AKAP6: variants seen among roughly 807,000 people sequenced by gnomAD.
The protein encoded by AKAP6 is A-kinase anchoring protein 6.
A neutral mutation model predicts 188.5 loss-of-function variants in AKAP6; 58 were observed. That is an observed-to-expected ratio of 0.31 (90% CI 0.25 to 0.38). The LOEUF is 0.38. Ranked by LOEUF, AKAP6 falls within the 10% of genes least tolerant of loss-of-function variation. The probability of loss-of-function intolerance (pLI) is 1.00; values close to 1 mark genes in which losing one functional copy is unlikely to be tolerated. For synonymous variants in AKAP6, 989 were observed against 998.6 expected, an observed-to-expected ratio of 0.99 and a Z score of 0.18; for missense variants, 2,710 against 2,740.0, an observed-to-expected ratio of 0.99 and a Z score of 0.24.
At position 32,786,296 on chromosome 14, in the gene AKAP6, A is replaced by ATGTTTTTTTTTGTT; in HGVS notation, c.3588+12404_3588+12405insGTTTTTTTTTGTTT. ...AGCCCTCTGAAAGACCTAAACCTTT[A>ATGTTTTTTTTTGTT]TCTTTTTTTTTTTTTTTTTTTTTTT... is the stretch of plus-strand genomic sequence containing the variant. On this transcript the variant is annotated intron_variant, in intron 12 of 13. Coordinates refer to ENST00000280979, the MANE Select transcript of AKAP6 (RefSeq NM_004274.5). Among the ~76,000 whole-genome samples the ATGTTTTTTTTTGTT allele has an allele frequency of 1.2e-4, 11 of 93,718 alleles. 3 individuals carry two copies. The highest frequency in any genetic ancestry group is 1.6e-4 in the African/African-American group (4 of 24,392). The allele number at this position is 93,718 out of a possible 152,430, so 61.5% of individuals were successfully genotyped here. A position where few individuals can be genotyped will look rare whatever the true frequency, so the allele number is the denominator to read the frequency against.
chr14:32,822,639 T>C lies in AKAP6; in HGVS notation c.4826T>C (p.Leu1609Pro). 1 of 1,614,022 alleles carries C rather than the reference T, an allele frequency of 6.2e-7. No homozygotes were observed. Among genetic ancestry groups the C allele is most frequent in the Non-Finnish European group, 8.5e-7 (1 of 1,179,950 alleles). ...WLTSYKSNED[L>P]FSCHSSGDIS... ...ACTTCCTATAAAAGCAATGAAGATC[T>C]CTTTAGCTGTCACAGCTCTGGGGAT... The change falls in exon 13 of 14, where the codon CTC (leucine) becomes CCC (proline). Residue 1609 changes from leucine to proline, a missense_variant. By Grantham distance (98) the Leu-to-Pro change is moderately conservative. This residue lies in a region of AKAP6 where 2,473 missense variants were observed against 2,426.1 expected (regional missense o/e 1.02). Transcript: ENST00000280979.
rs1016150488 is a variant in AKAP6 at position 32,835,112 on chromosome 14, A to C, written c.*5307A>C. ...AAGTTACGTACTTGCAACAAAAGCCATATGGCCTGCAAAACCTAAAACATT... is the reference window on the plus strand; with the variant it reads ...AAGTTACGTACTTGCAACAAAAGCCCTATGGCCTGCAAAACCTAAAACATT... On this transcript the variant is annotated 3_prime_UTR_variant, in exon 14 of 14. Transcript: ENST00000280979. 1 of 152,236 alleles carries C rather than the reference A, an allele frequency of 6.6e-6. No individual in the cohort carries two copies. The highest frequency in any genetic ancestry group is 1.5e-5 in the Non-Finnish European group (1 of 68,034). The allele number at this position is 152,236 out of a possible 1,614,324, so 9.4% of individuals were successfully genotyped here.
chr14:32,822,671 G>T lies in AKAP6; in HGVS notation c.4858G>T (p.Val1620Leu), dbSNP rs756942987. The T allele has an allele frequency of 6.2e-6, 10 of 1,613,846 alleles. No homozygotes were observed. The highest frequency in any genetic ancestry group is 7.6e-6 in the Non-Finnish European group (9 of 1,179,932). The change falls in exon 13 of 14, where the codon GTG becomes TTG. Residue 1620 changes from valine (V) to leucine (L), a missense_variant. Val to Leu is a conservative substitution (Grantham distance 32). This residue lies in a region of AKAP6 where 2,473 missense variants were observed against 2,426.1 expected (regional missense o/e 1.02). Coordinates refer to ENST00000280979, the MANE Select transcript of AKAP6 (RefSeq NM_004274.5). ...FSCHSSGDIS[V>L]SSGSVGELSK... ...CTGTCACAGCTCTGGGGATATAAGCGTGAGCAGTGGCTCAGTTGGTGAACT... is the reference window on the plus strand; with the variant it reads ...CTGTCACAGCTCTGGGGATATAAGCTTGAGCAGTGGCTCAGTTGGTGAACT...
intron 1 of AKAP6, among the ~76,000 whole-genome samples, chr14:32,364,030 G>A (rs1476508915): frequency 1.3e-5 from 2 of 152,170 alleles, no homozygotes; most frequent in South Asian, 4.1e-4. Context: ...TGAAGTCAGG[G>A]GGCTGTGTGT....
intron 7 of AKAP6, among the ~76,000 whole-genome samples, chr14:32,666,833 T>C (rs1174520217): frequency 1.3e-5 from 2 of 152,124 alleles, no homozygotes; most frequent in Admixed American, 6.5e-5. Context: ...GTAAGAATAG[T>C]AATCTTTTGC....
chr14:32,725,766 T>G (rs564044800), intron 9 of AKAP6, among the ~76,000 whole-genome samples: 2 of 152,168 alleles, frequency 1.3e-5, no homozygotes, highest in Admixed American at 1.3e-4. Flanking sequence ...ACCATAAAAA[T>G]GCAGTTTATA....
intron 2 of AKAP6, among the ~76,000 whole-genome samples, chr14:32,482,639 CT>C (rs1444491770): frequency 1.3e-5 from 2 of 152,172 alleles, no homozygotes; most frequent in Non-Finnish European, 2.9e-5. Context: ...TGGAAAAGTG[CT>C]TGGCACAGAA....
intron 2 of AKAP6, among the ~76,000 whole-genome samples, chr14:32,515,790 T>G (rs1262419634): frequency 6.6e-6 from 1 of 152,220 alleles, no homozygotes; most frequent in Non-Finnish European, 1.5e-5. Flanking sequence ...GGTTTGTGAA[T>G]TCAATATCGG....
Position 32,678,309 on chromosome 14 carries a change from A to G in AKAP6, c.2731-2A>G. 6.2e-7 allele frequency: 1 copy of G among 1,605,046 alleles called. No homozygotes were observed. Among genetic ancestry groups the G allele is most frequent in the Non-Finnish European group, 8.5e-7 (1 of 1,173,200 alleles). The stretch of plus-strand genomic sequence containing the variant: ...GCAATTTCTCTTTGTTTCTCTTTCC[A>G]GGCTGAGGTTCAACTATGCTACCTG... On this transcript the variant is annotated splice_acceptor_variant, in intron 7 of 13. Transcript: ENST00000280979. LOFTEE classifies it high-confidence loss of function.
Position 32,719,212 on chromosome 14 carries a change from T to C in AKAP6, c.3001-13242T>C, listed in dbSNP as rs76003156. 1.1e-3 allele frequency among the ~76,000 whole-genome samples: 164 copies of C among 152,280 alleles called. 1 individual carries two copies. In the East Asian group the frequency reaches 0.013, roughly 12 times the overall value. Reference sequence around the variant, plus strand: ...CATAAAGGTATAATGGCACTTGCATTGTGTTTTGGGAACAGGCAACCCTGG... The same window carrying C: ...CATAAAGGTATAATGGCACTTGCATCGTGTTTTGGGAACAGGCAACCCTGG... On this transcript the variant is annotated intron_variant, in intron 9 of 13. Coordinates refer to ENST00000280979, the MANE Select transcript of AKAP6 (RefSeq NM_004274.5).
At chr14:32,778,292 A>T (rs1202034868) in intron 12 of AKAP6, among the ~76,000 whole-genome samples, 2 of 151,982 alleles carry the variant, frequency 1.3e-5, no homozygotes, top group African/African-American at 2.4e-5. Flanking sequence ...TTACTATGAA[A>T]TTTTTTTTGT....
Position 32,823,686 on chromosome 14 carries a change from G to A in AKAP6, c.5873G>A (p.Arg1958Lys). ...AAGGAATTTGTTTCCCAAGATGTTAGACATCTTCCAAAGAAATGTCCAAAT... is the reference window on the plus strand; with the variant it reads ...AAGGAATTTGTTTCCCAAGATGTTAAACATCTTCCAAAGAAATGTCCAAAT... ...AGKEFVSQDV[R>K]HLPKKCPNHH... Residue 1958 changes from arginine (R) to lysine (K), a missense_variant, in exon 13 of 14, where the codon AGA becomes AAA. Physicochemically the swap from Arg to Lys is conservative, Grantham distance 26 (BLOSUM62 2). Coordinates refer to ENST00000280979, the MANE Select transcript of AKAP6 (RefSeq NM_004274.5). 6.2e-7 allele frequency: 1 copy of A among 1,613,728 alleles called. No homozygotes were observed. Among genetic ancestry groups the A allele is most frequent in the African/African-American group, 1.3e-5 (1 of 74,966 alleles).
chr14:32,655,777 T>G (rs1888427429), intron 7 of AKAP6, among the ~76,000 whole-genome samples: 1 of 152,092 alleles, frequency 6.6e-6, no homozygotes, highest in African/African-American at 2.4e-5. Context: ...ATGTAGAAAG[T>G]AATGAGAGAT....
chr14:32,529,951 T>C (rs187444503), intron 2 of AKAP6, among the ~76,000 whole-genome samples: 2 of 147,660 alleles, frequency 1.4e-5, no homozygotes, highest in East Asian at 3.9e-4. Flanking sequence ...GGTGAACATA[T>C]GGGTAAAGAA....
chr14:32,418,932 A>G (rs1480209160), intron 1 of AKAP6, among the ~76,000 whole-genome samples: 1 of 152,192 alleles, frequency 6.6e-6, no homozygotes, highest in African/African-American at 2.4e-5. Context: ...CATTTTATGT[A>G]ACAAATTATT....
At chr14:32,418,109 C>G (rs962759592) in intron 1 of AKAP6, 6 of 152,110 alleles carry the variant, frequency 3.9e-5, no homozygotes, top group African/African-American at 1.4e-4. Context: ...GTAGCAATGT[C>G]ATGAGATGAT....
chr14:32,375,387 G>A (rs368244026), intron 1 of AKAP6, among the ~76,000 whole-genome samples: 1 of 151,980 alleles, frequency 6.6e-6, no homozygotes, highest in East Asian at 1.9e-4. Context: ...TTCAGGTGTT[G>A]TTTGGAAGTA....
In AKAP6 at chr14:32,744,465, C is replaced by T. The variant is rs552823280; in HGVS notation, c.3372+8583C>T. Among the ~76,000 whole-genome samples, 13 of 152,038 alleles carry T rather than the reference C, an allele frequency of 8.6e-5. No individual in the cohort carries two copies. In the South Asian group the frequency reaches 1.0e-3, roughly 12 times the overall value. On this transcript the variant is annotated intron_variant, in intron 11 of 13. Transcript: ENST00000280979. Reference sequence around the variant, plus strand: ...ATGAGTAGCTGGGACTACAGGCACCCGCCACCACACCCAGCCAATTCTTTG... The same window carrying T: ...ATGAGTAGCTGGGACTACAGGCACCTGCCACCACACCCAGCCAATTCTTTG...
intron 7 of AKAP6, among the ~76,000 whole-genome samples, chr14:32,654,354 G>A (rs912043523): frequency 6.6e-5 from 10 of 152,006 alleles, no homozygotes; most frequent in Non-Finnish European, 1.2e-4. Flanking sequence ...CTACCCTAGC[G>A]GATGTTCTGT....
Sources: gnomAD v4.1 joint callset for allele counts (sites outside exome capture counted in the v4.1 genomes callset) on GRCh38, gnomAD v4.1.1 for gene constraint, gnomAD v4.1.1 regional missense constraint, MANE v1.5 for transcripts, NCBI Gene and HGNC (gene_info 2026-07-23, HGNC 2026-07-21) for gene names.